Variants in CNTNAP2 observed in about 807,000 individuals in gnomAD.
CNTNAP2 encodes the protein contactin associated protein 2.
A neutral mutation model predicts 155.2 loss-of-function variants in CNTNAP2; 98 were observed. The observed-to-expected ratio is 0.63, with a 90% CI of 0.54 to 0.75. The LOEUF (loss-of-function observed/expected upper bound fraction) is 0.75, where lower values mean the gene tolerates loss of function less well. Among genes scored for constraint, CNTNAP2 ranks in the 30% least tolerant of loss-of-function variants. The pLI is 0.00. For missense variants in CNTNAP2, 1,727 were observed against 1,688.1 expected (o/e 1.02, Z -0.40); for synonymous variants, 651 against 631.2 (o/e 1.03, Z -0.47).
intron 9 of CNTNAP2, among the ~76,000 whole-genome samples, chr7:147,305,090 A>G (rs1366390855): frequency 6.6e-6 from 1 of 152,080 alleles, no homozygotes; most frequent in Non-Finnish European, 1.5e-5. Context: ...CACTCCTAAT[A>G]CCACCCACAG....
At chr7:148,111,452 C>G (rs1804349916) in intron 15 of CNTNAP2, among the ~76,000 whole-genome samples, 1 of 150,250 alleles carries the variant, frequency 6.7e-6, no homozygotes, top group Non-Finnish European at 1.5e-5. Flanking sequence ...AATTAAAACA[C>G]AATGACAGTA....
At chr7:146,373,405 TACACAC>T (rs3050924) in intron 1 of CNTNAP2, among the ~76,000 whole-genome samples, 4 of 143,642 alleles carry the variant, frequency 2.8e-5, no homozygotes, top group South Asian at 4.5e-4. Context: ...ACTTAACACA[TACACAC>T]ACACACACAC....
chr7:146,502,236 T>TATATATGA (rs1554441623), intron 1 of CNTNAP2, among the ~76,000 whole-genome samples: 5 of 76,712 alleles, frequency 6.5e-5, no homozygotes, highest in African/African-American at 1.5e-4. Context: ...TATATATATA[T>TATATATGA]ATATATATAT....
chr7:148,394,234 AT>A (rs974942703), intron 22 of CNTNAP2, among the ~76,000 whole-genome samples: 2 of 151,924 alleles, frequency 1.3e-5, no homozygotes, highest in Admixed American at 1.3e-4. Context: ...ATCTCACTTT[AT>A]TTTTTCCCAA....
chr7:148,106,519 T>TATATATATATATATATATAC (rs1491129840), intron 15 of CNTNAP2, among the ~76,000 whole-genome samples: 24 of 130,872 alleles, frequency 1.8e-4, no homozygotes, highest in African/African-American at 6.3e-4. Flanking sequence ...TATATATATA[T>TATATATATATATATATATAC]ACATATTTTT....
At chr7:147,307,127 C>T (rs1038763070) in intron 9 of CNTNAP2, among the ~76,000 whole-genome samples, 2 of 152,112 alleles carry the variant, frequency 1.3e-5, no homozygotes, top group Non-Finnish European at 2.9e-5. Context: ...ACAAAGTGTT[C>T]CCAGAGAGTT....
chr7:147,695,870 T>C (rs926930895), intron 13 of CNTNAP2, among the ~76,000 whole-genome samples: 3 of 152,198 alleles, frequency 2.0e-5, no homozygotes, highest in Non-Finnish European at 4.4e-5. Flanking sequence ...AACAGACATA[T>C]ATATTAAGAA....
chr7:146,234,673 C>G (rs986786518), intron 1 of CNTNAP2, among the ~76,000 whole-genome samples: 9 of 152,046 alleles, frequency 5.9e-5, no homozygotes, highest in Non-Finnish European at 8.8e-5. Context: ...TTTCAGCTTT[C>G]TACATATGGC....
At chr7:146,638,786 G>C (rs12536479) in intron 1 of CNTNAP2, among the ~76,000 whole-genome samples, 25,973 of 151,716 alleles carry the variant, frequency 0.17, 2,852 homozygotes, top group East Asian at 0.49. Context: ...CGCCCGGCCA[G>C]GTGTTTCTTA....
intron 11 of CNTNAP2, among the ~76,000 whole-genome samples, chr7:147,508,007 A>T (rs1798943010): frequency 6.6e-6 from 1 of 151,994 alleles, no homozygotes; most frequent in South Asian, 2.1e-4. Flanking sequence ...CTGTGTCCTC[A>T]GGCTTTCCTT....
intron 1 of CNTNAP2, among the ~76,000 whole-genome samples, chr7:146,120,262 A>G (rs1797542718): frequency 6.6e-6 from 1 of 152,122 alleles, no homozygotes; most frequent in Non-Finnish European, 1.5e-5. Context: ...GTCTTAATGA[A>G]AACAATTTAA....
chr7:147,140,237 C>A (rs925011262), intron 8 of CNTNAP2, among the ~76,000 whole-genome samples: 1 of 152,052 alleles, frequency 6.6e-6, no homozygotes, highest in Admixed American at 6.6e-5. Flanking sequence ...TCTTCTAGCA[C>A]TTCCAGGCTT....
At chr7:146,506,145 A>G (rs1797380813) in intron 1 of CNTNAP2, among the ~76,000 whole-genome samples, 1 of 152,116 alleles carries the variant, frequency 6.6e-6, no homozygotes, top group African/African-American at 2.4e-5. Flanking sequence ...CCTGAATTGT[A>G]TGTTGTTGGT....
At chr7:146,914,702 TTGTC>T (rs1353223243) in intron 3 of CNTNAP2, among the ~76,000 whole-genome samples, 1 of 152,166 alleles carries the variant, frequency 6.6e-6, no homozygotes, top group Non-Finnish European at 1.5e-5. Context: ...TATTAGTTCT[TTGTC>T]TGATTTATAG....
rs71183032 is a variant in CNTNAP2, at chr7:147,880,854, G to GGTGTGTGTGT, written c.2099-22680_2099-22671dup. On this transcript the variant is annotated intron_variant, in intron 13 of 23. Coordinates refer to ENST00000361727, the MANE Select transcript of CNTNAP2 (RefSeq NM_014141.6). ...CATTTTCATGTGATGATTGGAGTTG[G>GGTGTGTGTGT]GTGTGTGTGTGTGTGTGTGTGTGTG... is the stretch of plus-strand genomic sequence containing the variant. Among the ~76,000 whole-genome samples the GGTGTGTGTGT allele has an allele frequency of 7.4e-3, 1,054 of 143,156 alleles. 12 individuals carry two copies. Among genetic ancestry groups the GGTGTGTGTGT allele is most frequent in the African/African-American group, 0.018 (694 of 38,470 alleles). 93.9% of individuals were successfully genotyped at this position (143,156 alleles called of 152,430 possible). A position where few individuals can be genotyped will look rare whatever the true frequency, so the allele number is the denominator to read the frequency against.
At chr7:148,123,358 G>T (rs1022873879) in intron 16 of CNTNAP2, among the ~76,000 whole-genome samples, 7 of 152,076 alleles carry the variant, frequency 4.6e-5, no homozygotes, top group African/African-American at 1.7e-4. Context: ...GAGGCTGAAG[G>T]GGGAGTATCA....
chr7:147,803,191 A>G lies in CNTNAP2; in HGVS notation c.2099-100374A>G, dbSNP rs557071847. ...AAACACCCTTTAGAAATAGAAATTC[A>G]GTTTCTGACTTTATTTAGCAAAAAT... On this transcript the variant is annotated intron_variant, in intron 13 of 23. Coordinates refer to ENST00000361727, the MANE Select transcript of CNTNAP2 (RefSeq NM_014141.6). Among the ~76,000 whole-genome samples, 17 of 152,346 alleles carry G rather than the reference A, an allele frequency of 1.1e-4. No individual in the cohort carries two copies. In the East Asian group the frequency reaches 3.1e-3, roughly 28 times the overall value.
At chr7:147,753,150 T>A (rs1797164179) in intron 13 of CNTNAP2, among the ~76,000 whole-genome samples, 1 of 152,234 alleles carries the variant, frequency 6.6e-6, no homozygotes, top group African/African-American at 2.4e-5. Context: ...GTCTTTAATT[T>A]ATTTCTATTT....
intron 1 of CNTNAP2, among the ~76,000 whole-genome samples, chr7:146,349,782 TG>T (rs1475868674): frequency 1.3e-5 from 2 of 152,284 alleles, no homozygotes; most frequent in South Asian, 2.1e-4. Context: ...TCTTTAAGAA[TG>T]TTGAATATTG....
Sources: allele counts gnomAD v4.1 joint callset (sites outside exome capture counted in the v4.1 genomes callset), GRCh38; gene constraint gnomAD v4.1.1; transcripts MANE v1.5; gene names NCBI Gene and HGNC (gene_info 2026-07-23, HGNC 2026-07-21).